The following PPFIA1 variants were observed in gnomAD, a reference collection of about 807,000 sequenced individuals.
PPFIA1 encodes liprin-alpha-1.
In PPFIA1, 25 loss-of-function variants were observed where a neutral mutation model predicts 149.9. That is an observed-to-expected ratio of 0.17 (90% CI 0.12 to 0.23). The LOEUF (loss-of-function observed/expected upper bound fraction) is 0.23. PPFIA1 is among the 10% of genes least tolerant of loss of function. The pLI is 1.00. For synonymous variants in PPFIA1, 549 were observed against 552.8 expected, an observed-to-expected ratio of 0.99 and a Z score of 0.10; for missense variants, 1,362 against 1,506.5, an observed-to-expected ratio of 0.90 and a Z score of 1.59.
In PPFIA1 at chr11:70,343,419, G is replaced by A. The variant is rs1162406594; in HGVS notation, c.1708-250G>A. 2.6e-5 allele frequency among the ~76,000 whole-genome samples: 4 copies of A among 152,062 alleles called. No individual in the cohort carries two copies. The East Asian group carries it at 7.7e-4, about 29-fold the overall frequency. On this transcript the variant is annotated intron_variant, in intron 14 of 27. Coordinates refer to ENST00000253925, the MANE Select transcript of PPFIA1 (RefSeq NM_003626.5). Reference sequence around the variant, plus strand: ...TTTCTGACTCTGCCATCTCCCAGTTGTGTATTTCGCCATGGAAATGCCACA... The same window carrying A: ...TTTCTGACTCTGCCATCTCCCAGTTATGTATTTCGCCATGGAAATGCCACA...
At chr11:70,339,095 T>TA in intron 13 of PPFIA1, 76 bp from the exon 14 acceptor site, 1 of 1,555,000 alleles carries the variant, frequency 6.4e-7, no homozygotes, top group Non-Finnish European at 8.8e-7. Context: ...TCCAAATTGA[T>TA]AGATTCTGCC....
In PPFIA1 at chr11:70,337,374, T is replaced by C; in HGVS notation, c.1438T>C (p.Leu480=). Residue 480 remains leucine (L), a synonymous_variant, in exon 12 of 28, where the codon TTA becomes CTA. Transcript: ENST00000253925. ...ATCTGTCTTTTTTCAGAACTCTCTT[T>C]TAAGAGAAGTTGAAAGTGCAAAAAA... ...MAALEDKNSL[L]REVESAKKQL... The C allele has an allele frequency of 1.9e-6, 3 of 1,594,592 alleles. No individual in the cohort carries two copies. The highest frequency in any genetic ancestry group is 2.6e-6 in the Non-Finnish European group (3 of 1,168,158).
At chr11:70,360,071 A>T (rs2056559595) in intron 19 of PPFIA1, among the ~76,000 whole-genome samples, 1 of 152,246 alleles carries the variant, frequency 6.6e-6, no homozygotes, top group Admixed American at 6.5e-5. Flanking sequence ...GAGCCAGGAC[A>T]CACACCGAGG....
Position 70,332,093 on chromosome 11 carries a change from A to G in PPFIA1, c.1211A>G (p.Lys404Arg), listed in dbSNP as rs939094451. ...ELAQRVAALS[K>R]AEERHGNIEE... ...GCCCAGAGGGTGGCAGCGCTTTCCAAGGTAGTGCCATGAGCTTCATTCTGG... is the reference window on the plus strand; with the variant it reads ...GCCCAGAGGGTGGCAGCGCTTTCCAGGGTAGTGCCATGAGCTTCATTCTGG... Residue 404 changes from lysine (K) to arginine (R), a missense_variant and splice_region_variant, in exon 9 of 28, where the codon AAG (lysine) becomes AGG (arginine). Coordinates refer to ENST00000253925, the MANE Select transcript of PPFIA1 (RefSeq NM_003626.5). 3 of 1,593,844 alleles carry G rather than the reference A, an allele frequency of 1.9e-6. No individual in the cohort carries two copies. Among genetic ancestry groups the G allele is most frequent in the African/African-American group, 1.4e-5 (1 of 73,650 alleles).
At position 70,324,539 on chromosome 11, in the gene PPFIA1, G is replaced by A. The variant is rs368650819; in HGVS notation, c.366+36G>A. ...CCTTTCTGTTCACTGCCTGCCCCTGGAGCCACTGTCAGGAGGAGGGGCGGT... is the reference window on the plus strand; with the variant it reads ...CCTTTCTGTTCACTGCCTGCCCCTGAAGCCACTGTCAGGAGGAGGGGCGGT... On this transcript the variant is annotated intron_variant, in intron 3 of 27. Coordinates refer to ENST00000253925, the MANE Select transcript of PPFIA1 (RefSeq NM_003626.5). 2.3e-5 allele frequency: 35 copies of A among 1,522,302 alleles called. No individual in the cohort carries two copies. The Admixed American group carries it at 3.3e-4, about 14-fold the overall frequency. 94.3% of individuals were successfully genotyped at this position (1,522,302 alleles called of 1,614,324 possible). A position where few individuals can be genotyped will look rare whatever the true frequency, so the allele number is the denominator to read the frequency against.
At chr11:70,314,820 T>G (rs1200299569) in intron 2 of PPFIA1, among the ~76,000 whole-genome samples, 1 of 152,166 alleles carries the variant, frequency 6.6e-6, no homozygotes, top group Non-Finnish European at 1.5e-5. Flanking sequence ...CACACCGCTA[T>G]GAAAAAATAC....
intron 8 of PPFIA1, among the ~76,000 whole-genome samples, 170 bp downstream of exon 8, chr11:70,330,489 T>TA (rs1335301379): frequency 1.3e-5 from 2 of 152,250 alleles, no homozygotes; most frequent in Non-Finnish European, 1.5e-5. Flanking sequence ...AGGTTTTGAT[T>TA]ACGTAGGATT....
rs199713917 is a variant in PPFIA1, at chr11:70,348,342, G to A, written c.2085G>A (p.Pro695=). ...PASSLASSSP[P]GSGRSTPRRI... Reference sequence around the variant, plus strand: ...CCTCGCTTGCTAGCTCCTCCCCTCCGGGCAGTGGGCGCTCCACCCCACGAA... The same window carrying A: ...CCTCGCTTGCTAGCTCCTCCCCTCCAGGCAGTGGGCGCTCCACCCCACGAA... The change falls in exon 16 of 28, where the codon CCG becomes CCA. Residue 695 remains proline (P), a synonymous_variant. Coordinates refer to ENST00000253925, the MANE Select transcript of PPFIA1 (RefSeq NM_003626.5). 1.9e-5 allele frequency: 30 copies of A among 1,614,092 alleles called. No homozygotes were observed. Among genetic ancestry groups the A allele is most frequent in the East Asian group, 4.5e-5 (2 of 44,860 alleles).
rs571907453 is a variant in PPFIA1, at chr11:70,343,531, C to T, written c.1708-138C>T. 3.8e-5 allele frequency: 28 copies of T among 732,138 alleles called. No homozygotes were observed. The South Asian group carries it at 4.8e-4, about 13-fold the overall frequency. 45.4% of individuals were successfully genotyped at this position (732,138 alleles called of 1,614,324 possible). ...TTCTTAAATACTGCCTGCTTCATGTCAGTACCTTATAAGCATGGCCCATCT... is the reference window on the plus strand; with the variant it reads ...TTCTTAAATACTGCCTGCTTCATGTTAGTACCTTATAAGCATGGCCCATCT... On this transcript the variant is annotated intron_variant, in intron 14 of 27. Coordinates refer to ENST00000253925, the MANE Select transcript of PPFIA1 (RefSeq NM_003626.5).
chr11:70,291,837 ATT>A (rs398016576), intron 2 of PPFIA1, among the ~76,000 whole-genome samples: 5 of 119,598 alleles, frequency 4.2e-5, no homozygotes, highest in Admixed American at 1.8e-4. Flanking sequence ...CGCCTGGCTA[ATT>A]TTTTTTTTTT....
intron 2 of PPFIA1, among the ~76,000 whole-genome samples, chr11:70,321,989 C>T (rs962900117): frequency 6.6e-6 from 1 of 152,236 alleles, no homozygotes; most frequent in African/African-American, 2.4e-5. Context: ...CCTGTCTCAG[C>T]GTCCTGAGTA....
intron 15 of PPFIA1, among the ~76,000 whole-genome samples, chr11:70,344,593 A>C (rs566849610): frequency 1.3e-5 from 2 of 152,218 alleles, no homozygotes; most frequent in Non-Finnish European, 2.9e-5. Context: ...AGTGACGTTT[A>C]AAAGTGTAGA....
chr11:70,354,287 C>G lies in PPFIA1; in HGVS notation c.2164-14C>G. The G allele has an allele frequency of 6.2e-7, 1 of 1,606,618 alleles. No individual in the cohort carries two copies. Among genetic ancestry groups the G allele is most frequent in the Non-Finnish European group, 8.5e-7 (1 of 1,176,062 alleles). ...TCTGCTGTTAACTAACTTTGCACTT[C>G]TCTCACCCCTCAGTTGCCACCTTCC... On this transcript the variant is annotated splice_polypyrimidine_tract_variant and intron_variant, in intron 16 of 27. Coordinates refer to ENST00000253925, the MANE Select transcript of PPFIA1 (RefSeq NM_003626.5).
At chr11:70,352,797 G>C (rs1424297240) in intron 16 of PPFIA1, among the ~76,000 whole-genome samples, 1 of 140,772 alleles carries the variant, frequency 7.1e-6, no homozygotes, top group Non-Finnish European at 1.5e-5. Flanking sequence ...GTGGAGGGGT[G>C]GGAGGGCGGC....
At chr11:70,273,759 G>A (rs1260725492) in intron 2 of PPFIA1, among the ~76,000 whole-genome samples, 1 of 152,070 alleles carries the variant, frequency 6.6e-6, no homozygotes, top group African/African-American at 2.4e-5. Flanking sequence ...AAATTACCAA[G>A]TTTATTTATG....
chr11:70,368,850 T>C (rs556275340), intron 21 of PPFIA1, among the ~76,000 whole-genome samples: 1 of 152,372 alleles, frequency 6.6e-6, no homozygotes, highest in Admixed American at 6.5e-5. Context: ...TTTCTCTTTC[T>C]TGACCTCTTA....
intron 8 of PPFIA1, among the ~76,000 whole-genome samples, chr11:70,331,526 T>C (rs1418375595): frequency 6.6e-6 from 1 of 152,142 alleles, no homozygotes; most frequent in East Asian, 1.9e-4. Flanking sequence ...ACACCTGTAA[T>C]CCCACCACTT....
At chr11:70,365,467 C>A (rs1003570561) in intron 21 of PPFIA1, 2 of 456,522 alleles carry the variant, frequency 4.4e-6, no homozygotes, top group Non-Finnish European at 8.8e-6. Context: ...GCACTCCTCC[C>A]AGCGCGTTTT....
chr11:70,271,951 C>T, intron 1 of PPFIA1: 2 of 554,356 alleles, frequency 3.6e-6, no homozygotes, highest in Non-Finnish European at 6.3e-6. Context: ...ATCTTGACCC[C>T]TTCCCTGGAT....
Sources: gnomAD v4.1 joint callset for allele counts (sites outside exome capture counted in the v4.1 genomes callset) on GRCh38, gnomAD v4.1.1 for gene constraint, MANE v1.5 for transcripts, NCBI Gene and HGNC (gene_info 2026-07-23, HGNC 2026-07-21) for gene names.